The following GTF2H5 variants were observed in gnomAD, a reference collection of about 807,000 sequenced individuals.
GTF2H5 encodes the protein general transcription factor IIH subunit 5.
In GTF2H5, 5 loss-of-function variants were observed where a neutral mutation model predicts 7.1. The ratio of observed to expected loss-of-function variants is 0.71; its 90% CI spans 0.37 to 1.49. The LOEUF is 1.49. GTF2H5 is among the 40% of genes most tolerant of loss of function. The pLI is 0.03. For synonymous variants in GTF2H5, 30 were observed against 31.7 expected (o/e 0.95, Z 0.18); for missense variants, 80 against 83.0 (o/e 0.96, Z 0.14).
intron 1 of GTF2H5, among the ~76,000 whole-genome samples, chr6:158,169,695 A>C (rs368366026): frequency 3.0e-5 from 2 of 65,724 alleles, no homozygotes; most frequent in African/African-American, 2.3e-4. Flanking sequence ...AATATATATT[A>C]TATAATATAT....
rs751199300 is a variant in GTF2H5 at position 158,192,290 on chromosome 6, GATC to G, written c.*136_*138del. On this transcript the variant is annotated 3_prime_UTR_variant, in exon 3 of 3. Coordinates refer to ENST00000607778, the MANE Select transcript of GTF2H5 (RefSeq NM_207118.3). ...GCCACGGGAAAGACTGAGGGATCAT[GATC>G]ATTTGTTCAGAAAAAAAGCCCCTGA... 9.0e-5 allele frequency: 62 copies of G among 687,536 alleles called. No homozygotes were observed. The highest frequency in any genetic ancestry group is 1.4e-4 in the Non-Finnish European group (55 of 387,534). The allele number at this position is 687,536 out of a possible 1,614,324, so 42.6% of individuals were successfully genotyped here. A position where few individuals can be genotyped will look rare whatever the true frequency, so the allele number is the denominator to read the frequency against.
intron 2 of GTF2H5, among the ~76,000 whole-genome samples, chr6:158,175,189 A>C (rs535852649): frequency 1.3e-5 from 2 of 152,298 alleles, no homozygotes; most frequent in African/African-American, 2.4e-5. Flanking sequence ...GAGCCTCTCT[A>C]TTCCTACAGT....
chr6:158,184,676 G>A (rs1287869686), intron 2 of GTF2H5, among the ~76,000 whole-genome samples: 1 of 152,174 alleles, frequency 6.6e-6, no homozygotes, highest in Non-Finnish European at 1.5e-5. Context: ...CTACTCCCAG[G>A]ATATATGGAA....
rs1314357487 is a variant in GTF2H5 at position 158,195,292 on chromosome 6, C to G, written c.*3135C>G. ...CCTGGATGACAGAGTGAAACTTTGT[C>G]TCTTAATAGAACTATGGACTGAAGT... On this transcript the variant is annotated 3_prime_UTR_variant, in exon 3 of 3. Coordinates refer to ENST00000607778, the MANE Select transcript of GTF2H5 (RefSeq NM_207118.3). The G allele has an allele frequency of 2.0e-5, 3 of 152,144 alleles. No homozygotes were observed. Among genetic ancestry groups the G allele is most frequent in the African/African-American group, 7.2e-5 (3 of 41,426 alleles). 9.4% of individuals were successfully genotyped at this position (152,144 alleles called of 1,614,324 possible). A position where few individuals can be genotyped will look rare whatever the true frequency, so the allele number is the denominator to read the frequency against.
At chr6:158,182,187 A>G (rs996629305) in intron 2 of GTF2H5, among the ~76,000 whole-genome samples, 2 of 152,230 alleles carry the variant, frequency 1.3e-5, no homozygotes, top group African/African-American at 4.8e-5. Flanking sequence ...TTCTTTAAGA[A>G]TATTGAATAT....
chr6:158,170,559 A>C lies in GTF2H5; in HGVS notation c.35+21A>C, dbSNP rs774847060. On this transcript the variant is annotated intron_variant, in intron 2 of 2. Transcript: ENST00000607778. The stretch of plus-strand genomic sequence containing the variant: ...GAATGGTTAGTAGTTTTGATACTGC[A>C]TGAGTTTTAAGTTTAAATATTGAAT... The C allele has an allele frequency of 3.9e-6, 6 of 1,539,894 alleles. No individual in the cohort carries two copies. The Admixed American group carries it at 1.0e-4, about 26-fold the overall frequency.
In GTF2H5 at chr6:158,197,749, T is replaced by G. The variant is rs1777134988; in HGVS notation, c.*5592T>G. On this transcript the variant is annotated 3_prime_UTR_variant, in exon 3 of 3. Transcript: ENST00000607778. ...TTCCTCTCATAAAGCAAGGGCAGTT[T>G]AGCTAGAATTTCTATCAAAAATCAT... 6.6e-6 allele frequency: 1 copy of G among 152,184 alleles called. No homozygotes were observed. The highest frequency in any genetic ancestry group is 2.4e-5 in the African/African-American group (1 of 41,450). 9.4% of individuals were successfully genotyped at this position (152,184 alleles called of 1,614,324 possible). A position where few individuals can be genotyped will look rare whatever the true frequency, so the allele number is the denominator to read the frequency against.
At chr6:158,170,584 T>TGTATGTATGA in intron 2 of GTF2H5, 46 bp downstream of exon 2, 3 of 1,293,302 alleles carry the variant, frequency 2.3e-6, no homozygotes, top group Non-Finnish European at 3.4e-6. Flanking sequence ...AAATATTGAA[T>TGTATGTATGA]CTTGACTTGT....
intron 2 of GTF2H5, among the ~76,000 whole-genome samples, chr6:158,186,214 A>G (rs1776918804): frequency 6.6e-6 from 1 of 152,238 alleles, no homozygotes; most frequent in Non-Finnish European, 1.5e-5. Flanking sequence ...TTTTGAAAGC[A>G]TTGGTGTGAT....
intron 2 of GTF2H5, among the ~76,000 whole-genome samples, chr6:158,180,999 G>T (rs1325611854): frequency 6.6e-6 from 1 of 151,942 alleles, no homozygotes; most frequent in Non-Finnish European, 1.5e-5. Context: ...GCTTTCTCTT[G>T]TGGGCATTTA....
At position 158,190,863 on chromosome 6, in the gene GTF2H5, G is replaced by A. The variant is rs559739668; in HGVS notation, c.36-1114G>A. 144 of 488,170 alleles carry A rather than the reference G, an allele frequency of 2.9e-4. No homozygotes were observed. In the African/African-American group the frequency reaches 3.3e-3, roughly 11 times the overall value. 30.2% of individuals were successfully genotyped at this position (488,170 alleles called of 1,614,324 possible). The stretch of plus-strand genomic sequence containing the variant: ...TTTTTGCTAAACACATTGTGTATTA[G>A]ATCTAAAGAGTGTCCTTTGTCATGA... On this transcript the variant is annotated intron_variant, in intron 2 of 2. Coordinates refer to ENST00000607778, the MANE Select transcript of GTF2H5 (RefSeq NM_207118.3).
chr6:158,193,308 T>C lies in GTF2H5; in HGVS notation c.*1151T>C, dbSNP rs1474380934. 6.6e-6 allele frequency: 1 copy of C among 151,686 alleles called. No individual in the cohort carries two copies. Among genetic ancestry groups the C allele is most frequent in the African/African-American group, 2.4e-5 (1 of 41,252 alleles). The allele number at this position is 151,686 out of a possible 1,614,324, so 9.4% of individuals were successfully genotyped here. ...AAAAAAAAAAGTGTATATGTATGTGTGTATATATAGCAAGAGAGAGTTCTG... is the reference window on the plus strand; with the variant it reads ...AAAAAAAAAAGTGTATATGTATGTGCGTATATATAGCAAGAGAGAGTTCTG... On this transcript the variant is annotated 3_prime_UTR_variant, in exon 3 of 3. Transcript: ENST00000607778.
intron 1 of GTF2H5, among the ~76,000 whole-genome samples, chr6:158,169,409 T>TAATATATTG (rs1562467876): frequency 2.0e-4 from 15 of 76,018 alleles, no homozygotes; most frequent in African/African-American, 7.5e-4. Flanking sequence ...ATATTGTATA[T>TAATATATTG]TATATATTAT....
chr6:158,180,763 T>C (rs1486220518), intron 2 of GTF2H5, among the ~76,000 whole-genome samples: 2 of 152,114 alleles, frequency 1.3e-5, no homozygotes, highest in African/African-American at 4.8e-5. Flanking sequence ...CTCTTTCTTC[T>C]TTATTAGTCT....
chr6:158,175,986 T>C (rs1243183053), intron 2 of GTF2H5, among the ~76,000 whole-genome samples: 1 of 152,226 alleles, frequency 6.6e-6, no homozygotes, highest in Non-Finnish European at 1.5e-5. Context: ...CCATGTGACA[T>C]GTGCTATACT....
At chr6:158,191,313 A>G (rs1777022012) in intron 2 of GTF2H5, among the ~76,000 whole-genome samples, 1 of 152,230 alleles carries the variant, frequency 6.6e-6, no homozygotes, top group Non-Finnish European at 1.5e-5. Context: ...CCTTAGATGT[A>G]ATGGGCATAG....
At chr6:158,187,126 G>A (rs533220214) in intron 2 of GTF2H5, among the ~76,000 whole-genome samples, 1 of 151,792 alleles carries the variant, frequency 6.6e-6, no homozygotes, top group East Asian at 2.0e-4. Flanking sequence ...TCCTGAGTAG[G>A]TAGTATTACA....
intron 2 of GTF2H5, among the ~76,000 whole-genome samples, chr6:158,181,094 A>G (rs1033212278): frequency 2.0e-5 from 3 of 152,180 alleles, no homozygotes; most frequent in African/African-American, 7.2e-5. Flanking sequence ...CTGGTTTCAA[A>G]GAACATCTTT....
intron 1 of GTF2H5, among the ~76,000 whole-genome samples, chr6:158,169,493 T>TA (rs1459732912): frequency 5.9e-4 from 35 of 59,510 alleles, no homozygotes; most frequent in African/African-American, 7.4e-4. Flanking sequence ...ATATATTGTA[T>TA]ATTATATAAT....
Sources: gnomAD v4.1 joint callset for allele counts (sites outside exome capture counted in the v4.1 genomes callset) on GRCh38, gnomAD v4.1.1 for gene constraint, MANE v1.5 for transcripts, NCBI Gene and HGNC (gene_info 2026-07-23, HGNC 2026-07-21) for gene names.